PTGER3: variants seen among roughly 807,000 people sequenced by gnomAD.
PTGER3 encodes the protein prostaglandin E receptor 3.
PTGER3 carries 22 observed loss-of-function variants against 34.7 expected under a neutral mutation model. The observed-to-expected ratio is 0.63, with a 90% confidence interval of 0.45 to 0.91. The LOEUF is 0.91. Among genes scored for constraint, PTGER3 ranks in the 40% least tolerant of loss-of-function variants. The probability of loss-of-function intolerance (pLI) is 0.00; values close to 1 mark genes in which losing one functional copy is unlikely to be tolerated. For missense variants in PTGER3, 468 were observed against 519.4 expected (o/e 0.90, Z 0.96); for synonymous variants, 241 against 230.1 (o/e 1.05, Z -0.43).
At chr1:70,959,940 AT>A (rs2100623787) in intron 2 of PTGER3, among the ~76,000 whole-genome samples, 1 of 152,264 alleles carries the variant, frequency 6.6e-6, no homozygotes, top group Non-Finnish European at 1.5e-5. Flanking sequence ...TGTAGATAGA[AT>A]TAGTTAAGAT....
At chr1:70,917,418 TGTGTGTG>T (rs1647202347) in intron 4 of PTGER3, among the ~76,000 whole-genome samples, 1 of 141,256 alleles carries the variant, frequency 7.1e-6, no homozygotes, top group African/African-American at 2.9e-5. Context: ...TGTGTGTGTG[TGTGTGTG>T]TGTGTGTGTG....
chr1:71,036,407 A>G (rs11209740), intron 1 of PTGER3, among the ~76,000 whole-genome samples: 54,908 of 152,106 alleles, frequency 0.36, 11,111 homozygotes, highest in South Asian at 0.47. Flanking sequence ...TAGTACAACT[A>G]TGCAGAGGCT....
intron 4 of PTGER3, among the ~76,000 whole-genome samples, chr1:70,938,734 A>G (rs1004093528): frequency 1.3e-5 from 2 of 152,084 alleles, no homozygotes; most frequent in African/African-American, 4.8e-5. Context: ...ATCTCATGAG[A>G]TTTATTCACT....
At chr1:70,991,819 C>T (rs1655507143) in intron 2 of PTGER3, among the ~76,000 whole-genome samples, 1 of 152,110 alleles carries the variant, frequency 6.6e-6, no homozygotes, top group Admixed American at 6.5e-5. Context: ...CAGTGATTTA[C>T]TGTGTTATTA....
chr1:70,973,927 T>C (rs892378321), intron 3 of PTGER3, among the ~76,000 whole-genome samples: 11 of 152,140 alleles, frequency 7.2e-5, no homozygotes, highest in African/African-American at 2.7e-4. Flanking sequence ...GTGCTAGCCA[T>C]ATGAGCCATA....
chr1:70,858,638 C>G (rs1329811656), intron 4 of PTGER3, among the ~76,000 whole-genome samples: 1 of 152,054 alleles, frequency 6.6e-6, no homozygotes, highest in Non-Finnish European at 1.5e-5. Flanking sequence ...AAAATATACC[C>G]TAAAAAGATT....
chr1:70,910,741 C>G (rs554600716), intron 4 of PTGER3, among the ~76,000 whole-genome samples: 1 of 152,242 alleles, frequency 6.6e-6, no homozygotes, highest in East Asian at 1.9e-4. Flanking sequence ...ACAAATTAAG[C>G]GAGCATTGGT....
At chr1:70,959,070 T>G (rs1237980350) in intron 2 of PTGER3, among the ~76,000 whole-genome samples, 1 of 152,232 alleles carries the variant, frequency 6.6e-6, no homozygotes, top group Non-Finnish European at 1.5e-5. Flanking sequence ...TGTTGGTTAC[T>G]AGAGCTTTGT....
chr1:70,938,075 C>T (rs1557669222), intron 4 of PTGER3, among the ~76,000 whole-genome samples: 1 of 152,112 alleles, frequency 6.6e-6, no homozygotes, highest in Non-Finnish European at 1.5e-5. Flanking sequence ...TTTACACTCT[C>T]CTCTTTAAAG....
intron 4 of PTGER3, among the ~76,000 whole-genome samples, chr1:70,853,354 G>A (rs568249747): frequency 3.9e-5 from 6 of 152,170 alleles, no homozygotes; most frequent in African/African-American, 1.4e-4. Context: ...AATCCAGAAT[G>A]GGAGGCATTC....
At chr1:70,989,512 G>A (rs1655235862) in intron 2 of PTGER3, among the ~76,000 whole-genome samples, 3 of 152,018 alleles carry the variant, frequency 2.0e-5, no homozygotes, top group African/African-American at 7.3e-5. Context: ...TGATGTCTGA[G>A]TTTTCATGAG....
intron 4 of PTGER3, among the ~76,000 whole-genome samples, chr1:70,945,495 A>G (rs1486137381): frequency 1.3e-5 from 2 of 152,164 alleles, no homozygotes; most frequent in African/African-American, 4.8e-5. Context: ...ACTCGGAGTC[A>G]TGGGATAACA....
chr1:71,038,240 A>G (rs1429380054), intron 1 of PTGER3, among the ~76,000 whole-genome samples: 1 of 152,222 alleles, frequency 6.6e-6, no homozygotes, highest in Non-Finnish European at 1.5e-5. Context: ...AAGATATACA[A>G]ATCAAATTTA....
At chr1:71,000,215 A>T (rs1656351352) in intron 2 of PTGER3, among the ~76,000 whole-genome samples, 1 of 152,142 alleles carries the variant, frequency 6.6e-6, no homozygotes, top group Non-Finnish European at 1.5e-5. Flanking sequence ...TATATTCTAA[A>T]CCCAAGTCAG....
At chr1:71,001,814 G>A (rs1656520753) in intron 2 of PTGER3, among the ~76,000 whole-genome samples, 1 of 152,200 alleles carries the variant, frequency 6.6e-6, no homozygotes, top group Non-Finnish European at 1.5e-5. Flanking sequence ...AACGTCACTT[G>A]TGTGTTCTGG....
At chr1:71,018,295 T>C (rs894244134) in intron 1 of PTGER3, among the ~76,000 whole-genome samples, 1 of 152,198 alleles carries the variant, frequency 6.6e-6, no homozygotes, top group Non-Finnish European at 1.5e-5. Context: ...TAAAAATAAA[T>C]GAATAAAGTA....
chr1:70,878,035 T>C (rs2100576866), intron 4 of PTGER3, among the ~76,000 whole-genome samples: 1 of 152,266 alleles, frequency 6.6e-6, no homozygotes, highest in East Asian at 1.9e-4. Context: ...CAGTTCTTCA[T>C]TACAAACCTA....
intron 4 of PTGER3, among the ~76,000 whole-genome samples, chr1:70,944,074 A>C (rs1650003695): frequency 6.6e-6 from 1 of 152,066 alleles, no homozygotes; most frequent in African/African-American, 2.4e-5. Context: ...GTAATTTTTA[A>C]ATTAGTATAG....
intron 4 of PTGER3, among the ~76,000 whole-genome samples, chr1:70,899,561 C>T (rs568572709): frequency 1.3e-5 from 2 of 152,052 alleles, no homozygotes; most frequent in Admixed American, 6.6e-5. Flanking sequence ...TAGAGGAAAT[C>T]GGCATGAGCC....
Sources: allele counts gnomAD v4.1 joint callset (sites outside exome capture counted in the v4.1 genomes callset), GRCh38; gene constraint gnomAD v4.1.1; transcripts MANE v1.5; gene names NCBI Gene and HGNC (gene_info 2026-07-23, HGNC 2026-07-21).